The following RAB24 variants were observed in gnomAD, a reference collection of about 807,000 sequenced individuals.
RAB24 encodes ras-related protein Rab-24.
RAB24 carries 9 observed loss-of-function variants against 31.4 expected under a neutral mutation model. The ratio of observed to expected loss-of-function variants is 0.29; its 90% CI spans 0.17 to 0.50. The LOEUF (loss-of-function observed/expected upper bound fraction) is 0.50. RAB24 is among the 20% of genes least tolerant of loss of function. The pLI is 0.98. For synonymous variants in RAB24, 106 were observed against 94.1 expected, an observed-to-expected ratio of 1.13 and a Z score of -0.73; for missense variants, 197 against 265.2, an observed-to-expected ratio of 0.74 and a Z score of 1.79.
chr5:177,302,588 T>G lies in RAB24; in HGVS notation c.322A>C (p.Ser108Arg). ...GTCTGTTCACCTACCTCCTCTAGGC[T>G]GCGCAGTTCCTTCACCCAGAACTTT... ...RAKFWVKELR[S>R]LEEGCQIYLC... The change falls in exon 4 of 8, where the codon AGC becomes CGC. Residue 108 changes from serine to arginine, a missense_variant. By Grantham distance (110) the Ser-to-Arg change is moderately radical. Around this residue, in one of 2 missense-constraint regions of RAB24, gnomAD observed 148 missense variants for 159.7 expected, o/e 0.93. Transcript: ENST00000303251. 6.2e-7 allele frequency: 1 copy of G among 1,614,204 alleles called. No individual in the cohort carries two copies. Among genetic ancestry groups the G allele is most frequent in the Non-Finnish European group, 8.5e-7 (1 of 1,180,026 alleles).
rs773660797 is a variant in RAB24 at position 177,303,325 on chromosome 5, G to A, written c.-37C>T. On this transcript the variant is annotated 5_prime_UTR_variant, in exon 1 of 8. Coordinates refer to ENST00000303251, the MANE Select transcript of RAB24 (RefSeq NM_001031677.4). This position sits in a 1 kb window ranked among gnomAD's most constrained non-coding sequence, Gnocchi z 6.1. The stretch of plus-strand genomic sequence containing the variant: ...CGCTTCAGCCACGTCAGGGTCCTGA[G>A]CGGGGACGGGAGGCAAACCCCGATC... 124 of 1,602,602 alleles carry A rather than the reference G, an allele frequency of 7.7e-5. No homozygotes were observed. Among genetic ancestry groups the A allele is most frequent in the Non-Finnish European group, 2.6e-5 (30 of 1,171,012 alleles).
In RAB24 at chr5:177,301,421, C is replaced by T. The variant is rs921420736; in HGVS notation, c.*322G>A. The T allele has an allele frequency of 1.2e-5, 4 of 343,488 alleles. No individual in the cohort carries two copies. Among genetic ancestry groups the T allele is most frequent in the African/African-American group, 8.4e-5 (4 of 47,904 alleles). 21.3% of individuals were successfully genotyped at this position (343,488 alleles called of 1,614,324 possible). ...CAGGAAGAACTAGGTGTCTTGACAC[C>T]TAATCCACACAGCAGGGAAAGGGGC... On this transcript the variant is annotated 3_prime_UTR_variant, in exon 8 of 8. Transcript: ENST00000303251.
Position 177,303,100 on chromosome 5 carries a change from G to A in RAB24, c.118-23C>T. The stretch of plus-strand genomic sequence containing the variant: ...GGTCTGCAACGAGAGGGAAGAGATC[G>A]GGGCCATAGGTGCAGATTACCGGCC... On this transcript the variant is annotated intron_variant, in intron 1 of 7. Coordinates refer to ENST00000303251, the MANE Select transcript of RAB24 (RefSeq NM_001031677.4). The surrounding 1 kb of genome is among the most constrained non-coding windows in gnomAD (Gnocchi z 6.1). The A allele has an allele frequency of 6.2e-7, 1 of 1,613,932 alleles. No individual in the cohort carries two copies. The highest frequency in any genetic ancestry group is 1.1e-5 in the South Asian group (1 of 91,084).
At position 177,302,647 on chromosome 5, in the gene RAB24, TG is replaced by T; in HGVS notation, c.266-4del. 1 of 1,614,140 alleles carries T rather than the reference TG, an allele frequency of 6.2e-7. No individual in the cohort carries two copies. Among genetic ancestry groups the T allele is most frequent in the Non-Finnish European group, 8.5e-7 (1 of 1,180,024 alleles). On this transcript the variant is annotated splice_polypyrimidine_tract_variant and splice_region_variant and intron_variant, in intron 3 of 7. Coordinates refer to ENST00000303251, the MANE Select transcript of RAB24 (RefSeq NM_001031677.4). ...AAAGCTGCTGCTGTCTGTGAGGTCT[TG>T]GTGTGCGGCATGCAGGAGACAACCA...
At chr5:177,302,056 C>T in intron 6 of RAB24, 69 bp from the exon 7 acceptor site, 3 of 1,610,066 alleles carry the variant, frequency 1.9e-6, no homozygotes, top group East Asian at 2.2e-5. Context: ...GTGACCCAGC[C>T]CTCTGTGCCC....
At position 177,302,419 on chromosome 5, in the gene RAB24, G is replaced by C; in HGVS notation, c.411C>G (p.His137Gln). 1 of 1,613,444 alleles carries C rather than the reference G, an allele frequency of 6.2e-7. No homozygotes were observed. Among genetic ancestry groups the C allele is most frequent in the Non-Finnish European group, 8.5e-7 (1 of 1,180,016 alleles). Residue 137 changes from histidine (H) to glutamine (Q), a missense_variant, in exon 5 of 8, where the codon CAC (histidine) becomes CAG (glutamine). Coordinates refer to ENST00000303251, the MANE Select transcript of RAB24 (RefSeq NM_001031677.4). The stretch of plus-strand genomic sequence containing the variant: ...TACTGTCTGCATAGTCCTGGACGTC[G>C]TGGAAGTCCACACGTCGACGCCTCC... The part of the protein sequence containing the change: ...EDRRRRRVDF[H>Q]DVQDYADNIK...
chr5:177,302,013 A>G (rs751267387), intron 6 of RAB24, 26 bp from the exon 7 acceptor site: 3 of 1,613,544 alleles, frequency 1.9e-6, no homozygotes, highest in Middle Eastern at 1.7e-4. Context: ...ATGATCAGCG[A>G]GGGCCCAATG....
At position 177,303,609 on chromosome 5, in the gene RAB24, C is replaced by T; in HGVS notation, c.-321G>A. On this transcript the variant is annotated 5_prime_UTR_variant, in exon 1 of 8. Coordinates refer to ENST00000303251, the MANE Select transcript of RAB24 (RefSeq NM_001031677.4). This position sits in a 1 kb window ranked among gnomAD's most constrained non-coding sequence, Gnocchi z 6.1. ...GCAGCTCGCTACTCCGTCATTCGCTCGCCTGCCCGGCTTAAGCTCCGTTCT... is the reference window on the plus strand; with the variant it reads ...GCAGCTCGCTACTCCGTCATTCGCTTGCCTGCCCGGCTTAAGCTCCGTTCT... 1 of 456,776 alleles carries T rather than the reference C, an allele frequency of 2.2e-6. No individual in the cohort carries two copies. The allele number at this position is 456,776 out of a possible 1,614,324, so 28.3% of individuals were successfully genotyped here.
chr5:177,302,552 G>GT, intron 4 of RAB24, 25 bp downstream of exon 4: 1 of 1,614,126 alleles, frequency 6.2e-7, no homozygotes, highest in East Asian at 2.2e-5. Flanking sequence ...AGCCCCTAGT[G>GT]TTCTAGTGAG....
Position 177,303,184 on chromosome 5 carries a change from C to A in RAB24, c.105G>T (p.Gly35=). 6.2e-7 allele frequency: 1 copy of A among 1,613,758 alleles called. No individual in the cohort carries two copies. Among genetic ancestry groups the A allele is most frequent in the Non-Finnish European group, 8.5e-7 (1 of 1,180,016 alleles). Residue 35 remains glycine, a synonymous_variant, in exon 1 of 8, where the codon GGG becomes GGT. Transcript: ENST00000303251. The surrounding 1 kb of genome is among the most constrained non-coding windows in gnomAD (Gnocchi z 6.1). ...CGGATGCACTCACGTTCTGATAAGG[C>A]CCCACCAGAAAGCGGTCGTGCACGT... ...ERYVHDRFLV[G]PYQNTIGAAF...
In RAB24 at chr5:177,301,534, G is replaced by A; in HGVS notation, c.*209C>T. 6.6e-6 allele frequency: 4 copies of A among 607,286 alleles called. No individual in the cohort carries two copies. The South Asian group carries it at 7.9e-5, about 12-fold the overall frequency. The allele number at this position is 607,286 out of a possible 1,614,324, so 37.6% of individuals were successfully genotyped here. ...GACACAAGTGCTGTCCAGGGCAGAA[G>A]CCTGGGGTCCAAATCAGCCTTATCC... On this transcript the variant is annotated 3_prime_UTR_variant, in exon 8 of 8. Transcript: ENST00000303251.
At position 177,303,714 on chromosome 5, in the gene RAB24, C is replaced by G. The variant is rs758977463; in HGVS notation, c.-426G>C. 1.1e-5 allele frequency: 4 copies of G among 371,758 alleles called. No homozygotes were observed. The highest frequency in any genetic ancestry group is 1.3e-4 in the South Asian group (2 of 15,766). The allele number at this position is 371,758 out of a possible 1,614,324, so 23.0% of individuals were successfully genotyped here. A position where few individuals can be genotyped will look rare whatever the true frequency, so the allele number is the denominator to read the frequency against. On this transcript the variant is annotated 5_prime_UTR_variant, in exon 1 of 8. Coordinates refer to ENST00000303251, the MANE Select transcript of RAB24 (RefSeq NM_001031677.4). The surrounding 1 kb of genome is among the most constrained non-coding windows in gnomAD (Gnocchi z 6.1). ...GCGCCGCGACTCCCGCGGGAGGGGG[C>G]TAGAGGGCGAGGGGGCGGGGCCGCA...
At position 177,301,392 on chromosome 5, in the gene RAB24, G is replaced by A. The variant is rs931602329; in HGVS notation, c.*351C>T. On this transcript the variant is annotated 3_prime_UTR_variant, in exon 8 of 8. Coordinates refer to ENST00000303251, the MANE Select transcript of RAB24 (RefSeq NM_001031677.4). ...TATAAGCAGTGAGGCCAGCCGGGTG[G>A]CCCCAGGAAGAACTAGGTGTCTTGA... The A allele has an allele frequency of 5.0e-5, 14 of 280,688 alleles. No homozygotes were observed. Among genetic ancestry groups the A allele is most frequent in the African/African-American group, 2.9e-4 (13 of 45,484 alleles). The allele number at this position is 280,688 out of a possible 1,614,324, so 17.4% of individuals were successfully genotyped here.
At position 177,303,208 on chromosome 5, in the gene RAB24, G is replaced by A. The variant is rs1262660261; in HGVS notation, c.81C>T (p.Tyr27=). 1 of 1,613,622 alleles carries A rather than the reference G, an allele frequency of 6.2e-7. No homozygotes were observed. The highest frequency in any genetic ancestry group is 8.5e-7 in the Non-Finnish European group (1 of 1,180,038). ...GCCCCACCAGAAAGCGGTCGTGCAC[G>A]TAGCGCTCCACCAGGCTAGTCTTGC... is the stretch of plus-strand genomic sequence containing the variant. ...YVGKTSLVER[Y]VHDRFLVGPY... The change falls in exon 1 of 8, where the codon TAC becomes TAT. Residue 27 remains tyrosine, a synonymous_variant. Coordinates refer to ENST00000303251, the MANE Select transcript of RAB24 (RefSeq NM_001031677.4). The surrounding 1 kb of genome is among the most constrained non-coding windows in gnomAD (Gnocchi z 6.1).
At position 177,303,544 on chromosome 5, in the gene RAB24, C is replaced by A. The variant is rs930676107; in HGVS notation, c.-256G>T. On this transcript the variant is annotated 5_prime_UTR_variant, in exon 1 of 8. Coordinates refer to ENST00000303251, the MANE Select transcript of RAB24 (RefSeq NM_001031677.4). This position sits in a 1 kb window ranked among gnomAD's most constrained non-coding sequence, Gnocchi z 6.1. ...CCCAAGCCTCGGGGCGGCCTGGGAG[C>A]GCGCGGGACAGCGTCCTCAACAGCG... 2 of 576,142 alleles carry A rather than the reference C, an allele frequency of 3.5e-6. No individual in the cohort carries two copies. Among genetic ancestry groups the A allele is most frequent in the African/African-American group, 1.9e-5 (1 of 53,044 alleles). The allele number at this position is 576,142 out of a possible 1,614,324, so 35.7% of individuals were successfully genotyped here. A position where few individuals can be genotyped will look rare whatever the true frequency, so the allele number is the denominator to read the frequency against.
rs758872382 is a variant in RAB24 at position 177,301,495 on chromosome 5, TTAAA to T, written c.*244_*247del. 14 of 563,694 alleles carry T rather than the reference TTAAA, an allele frequency of 2.5e-5. No individual in the cohort carries two copies. The highest frequency in any genetic ancestry group is 1.9e-4 in the South Asian group (9 of 47,292). The allele number at this position is 563,694 out of a possible 1,614,324, so 34.9% of individuals were successfully genotyped here. A position where few individuals can be genotyped will look rare whatever the true frequency, so the allele number is the denominator to read the frequency against. On this transcript the variant is annotated 3_prime_UTR_variant, in exon 8 of 8. Coordinates refer to ENST00000303251, the MANE Select transcript of RAB24 (RefSeq NM_001031677.4). Reference sequence around the variant, plus strand: ...ATTTTATTTACAGATCAAAAGCCACTTAAATAATCTGCAGACACAAGTGCTGTCC... The same window carrying T: ...ATTTTATTTACAGATCAAAAGCCACTTAATCTGCAGACACAAGTGCTGTCC...
intron 7 of RAB24, 33 bp downstream of exon 7, chr5:177,301,892 G>A (rs368366003): frequency 1.2e-6 from 2 of 1,613,260 alleles, no homozygotes; most frequent in Non-Finnish European, 1.7e-6. Context: ...TGGGCCTAGA[G>A]TAAGTCTCCA....
chr5:177,303,484 T>G lies in RAB24; in HGVS notation c.-196A>C. On this transcript the variant is annotated 5_prime_UTR_variant, in exon 1 of 8. Transcript: ENST00000303251. This position sits in a 1 kb window ranked among gnomAD's most constrained non-coding sequence, Gnocchi z 6.1. ...TCGGCAGCGCCCCGTGTGCCCCCGCTGTTCGGCCCCGGGCGCCGATTATCC... is the reference window on the plus strand; with the variant it reads ...TCGGCAGCGCCCCGTGTGCCCCCGCGGTTCGGCCCCGGGCGCCGATTATCC... 1.6e-6 allele frequency: 1 copy of G among 611,242 alleles called. No homozygotes were observed. The highest frequency in any genetic ancestry group is 2.9e-6 in the Non-Finnish European group (1 of 346,728). 37.9% of individuals were successfully genotyped at this position (611,242 alleles called of 1,614,324 possible).
Position 177,301,627 on chromosome 5 carries a change from T to C in RAB24, c.*116A>G. 8.3e-7 allele frequency: 1 copy of C among 1,208,232 alleles called. No homozygotes were observed. The highest frequency in any genetic ancestry group is 1.2e-6 in the Non-Finnish European group (1 of 830,850). The allele number at this position is 1,208,232 out of a possible 1,614,324, so 74.8% of individuals were successfully genotyped here. ...GGGCCAGCACAGGCAGGCGCCACTCTGCTGACATGAGGACCTGGGGTAGCT... is the reference window on the plus strand; with the variant it reads ...GGGCCAGCACAGGCAGGCGCCACTCCGCTGACATGAGGACCTGGGGTAGCT... On this transcript the variant is annotated 3_prime_UTR_variant, in exon 8 of 8. Transcript: ENST00000303251.
Sources: gnomAD v4.1 joint callset for allele counts on GRCh38, gnomAD v4.1.1 for gene constraint, gnomAD v4.1.1 regional missense constraint, Gnocchi (gnomAD v3.1) non-coding constraint, MANE v1.5 for transcripts, NCBI Gene and HGNC (gene_info 2026-07-23, HGNC 2026-07-21) for gene names.